Variants in ARF4 observed in about 807,000 individuals in gnomAD.
The protein encoded by ARF4 is ARF GTPase 4.
A neutral mutation model predicts 24.3 loss-of-function variants in ARF4; 5 were observed. That is an observed-to-expected ratio of 0.21 (90% CI 0.11 to 0.43). ARF4 has a LOEUF of 0.43. Ranked by LOEUF, ARF4 falls within the 20% of genes least tolerant of loss-of-function variation. ARF4 has a pLI of 1.00. For synonymous variants in ARF4, 62 were observed against 73.5 expected, an observed-to-expected ratio of 0.84 and a Z score of 0.80; for missense variants, 107 against 213.0, an observed-to-expected ratio of 0.50 and a Z score of 3.10.
chr3:57,591,577 G>A (rs547563152), intron 1 of ARF4, among the ~76,000 whole-genome samples: 1 of 150,966 alleles, frequency 6.6e-6, no homozygotes, highest in East Asian at 2.0e-4. Flanking sequence ...AGGGATTCTC[G>A]TGCCTCGGCC....
At chr3:57,575,440 T>C in intron 5 of ARF4, 108 bp downstream of exon 5, 1 of 1,120,218 alleles carries the variant, frequency 8.9e-7, no homozygotes, top group South Asian at 2.4e-5. Flanking sequence ...GATGTGCTCA[T>C]TATTTGTCCA....
At chr3:57,574,408 A>ATT (rs71088093) in intron 5 of ARF4, among the ~76,000 whole-genome samples, 59,048 of 145,304 alleles carry the variant, frequency 0.41, 13,257 homozygotes, top group South Asian at 0.58. Context: ...AGAAGTACAA[A>ATT]TTTTTTTTTT....
rs530669042 is a variant in ARF4 at position 57,587,648 on chromosome 3, G to A, written c.68-3184C>T. Among the ~76,000 whole-genome samples, 6 of 152,024 alleles carry A rather than the reference G, an allele frequency of 3.9e-5. No individual in the cohort carries two copies. The East Asian group carries it at 1.2e-3, about 29-fold the overall frequency. On this transcript the variant is annotated intron_variant, in intron 1 of 5. Transcript: ENST00000303436. ...CTGATGTATCTTTTTGAAGACGACT[G>A]CTTGAGGGCTTTAAATATATAATAT...
At chr3:57,573,212 A>AG (rs945995811) in intron 5 of ARF4, among the ~76,000 whole-genome samples, 58 of 151,818 alleles carry the variant, frequency 3.8e-4, no homozygotes, top group Non-Finnish European at 5.5e-4. Flanking sequence ...AAAAAAAAAA[A>AG]AAAGAAAGAA....
intron 5 of ARF4, among the ~76,000 whole-genome samples, chr3:57,575,205 A>C (rs1172124790): frequency 6.6e-6 from 1 of 152,050 alleles, no homozygotes; most frequent in African/African-American, 2.4e-5. Context: ...TTAATAAGAA[A>C]GCCAGATTTC....
chr3:57,572,459 C>T (rs1020005754), intron 5 of ARF4, among the ~76,000 whole-genome samples, 161 bp from the exon 6 acceptor site: 1 of 152,166 alleles, frequency 6.6e-6, no homozygotes, highest in African/African-American at 2.4e-5. Flanking sequence ...GTGGCTCACA[C>T]CTATAAATCC....
intron 3 of ARF4, 107 bp from the exon 4 acceptor site, chr3:57,577,494 GTC>G (rs1313964404): frequency 2.4e-6 from 2 of 845,266 alleles, no homozygotes; most frequent in Non-Finnish European, 3.9e-6. Context: ...GGAAGAAAAT[GTC>G]TCTTTAAAAG....
intron 1 of ARF4, among the ~76,000 whole-genome samples, chr3:57,584,691 G>T (rs1559785193): frequency 6.6e-6 from 1 of 152,106 alleles, no homozygotes; most frequent in Non-Finnish European, 1.5e-5. Context: ...CTAGTAAAAG[G>T]TAACAAGTAT....
chr3:57,595,190 T>C (rs938935639), intron 1 of ARF4, among the ~76,000 whole-genome samples: 1 of 152,252 alleles, frequency 6.6e-6, no homozygotes, highest in Admixed American at 6.5e-5. Context: ...CATACTTCTA[T>C]ATTCCTTGCC....
chr3:57,578,390 T>TA (rs369758203), intron 3 of ARF4, among the ~76,000 whole-genome samples: 3,791 of 142,372 alleles, frequency 0.027, 69 homozygotes, highest in Middle Eastern at 0.043. Context: ...CCCTATCTCT[T>TA]AAAAAAAAAA....
intron 4 of ARF4, among the ~76,000 whole-genome samples, chr3:57,575,985 T>C (rs1420813470): frequency 3.3e-5 from 5 of 152,154 alleles, no homozygotes; most frequent in Non-Finnish European, 7.4e-5. Context: ...GGGCAAGAAA[T>C]ACATGTGGGA....
chr3:57,581,056 A>T (rs763899814), intron 3 of ARF4, among the ~76,000 whole-genome samples: 12 of 152,244 alleles, frequency 7.9e-5, no homozygotes, highest in Non-Finnish European at 1.5e-4. Flanking sequence ...TCTACAGATA[A>T]GCCCAGCTGC....
At chr3:57,596,926 G>C in intron 1 of ARF4, 148 bp downstream of exon 1, 1 of 774,160 alleles carries the variant, frequency 1.3e-6, no homozygotes, top group Admixed American at 2.5e-5. Context: ...CCGCTCCATT[G>C]TTCCCCCTTA....
intron 2 of ARF4, 45 bp downstream of exon 2, chr3:57,584,339 C>G (rs1300877381): frequency 6.9e-7 from 1 of 1,442,308 alleles, no homozygotes; most frequent in Non-Finnish European, 9.7e-7. Flanking sequence ...ATATATTTCA[C>G]TTTACAACAT....
chr3:57,596,689 T>C (rs571470160), intron 1 of ARF4: 1 of 214,296 alleles, frequency 4.7e-6, no homozygotes, highest in African/African-American at 2.3e-5. Flanking sequence ...GCCTCCCTCC[T>C]GACCGCTGTC....
chr3:57,579,704 T>A (rs1482363012), intron 3 of ARF4, among the ~76,000 whole-genome samples: 1 of 152,178 alleles, frequency 6.6e-6, no homozygotes, highest in African/African-American at 2.4e-5. Flanking sequence ...TTTAGCAAAT[T>A]GTAAGTCCAT....
intron 1 of ARF4, 31 bp downstream of exon 1, chr3:57,597,043 G>C (rs984375823): frequency 6.2e-7 from 1 of 1,610,244 alleles, no homozygotes; most frequent in Admixed American, 1.7e-5. Context: ...GCCTTTCCCA[G>C]GTCCCGCCTG....
intron 3 of ARF4, among the ~76,000 whole-genome samples, chr3:57,579,186 G>A (rs1163568434): frequency 6.2e-5 from 9 of 145,568 alleles, no homozygotes; most frequent in East Asian, 2.1e-4. Flanking sequence ...CTTGGCAGGC[G>A]GAGGCTGCAG....
At chr3:57,581,484 G>A (rs1172984816) in intron 3 of ARF4, among the ~76,000 whole-genome samples, 1 of 152,164 alleles carries the variant, frequency 6.6e-6, no homozygotes, top group Non-Finnish European at 1.5e-5. Context: ...GATTAGCAAG[G>A]TTTTACTTCA....
Sources: allele counts gnomAD v4.1 joint callset (sites outside exome capture counted in the v4.1 genomes callset), GRCh38; gene constraint gnomAD v4.1.1; transcripts MANE v1.5; gene names NCBI Gene and HGNC (gene_info 2026-07-23, HGNC 2026-07-21).